The following NELL2 variants were observed in gnomAD, a reference collection of about 807,000 sequenced individuals.
NELL2 encodes the protein protein kinase C-binding protein NELL2.
In NELL2, 41 loss-of-function variants were observed where a neutral mutation model predicts 109.6. That is an observed-to-expected ratio of 0.37 (90% CI 0.29 to 0.49). NELL2 has a LOEUF of 0.49. Ranked by LOEUF, NELL2 falls within the 20% of genes least tolerant of loss-of-function variation. The pLI is 0.98. For synonymous variants in NELL2, 355 were observed against 344.7 expected (o/e 1.03, Z -0.33); for missense variants, 900 against 1,008.3 (o/e 0.89, Z 1.45).
intron 13 of NELL2, among the ~76,000 whole-genome samples, chr12:44,625,212 G>A (rs2218943): frequency 0.29 from 43,693 of 151,134 alleles, 6,544 homozygotes; most frequent in East Asian, 0.5. Flanking sequence ...CTTTATCATG[G>A]TATTGAACAC....
At chr12:44,600,466 TCAA>T (rs1195672135) in intron 15 of NELL2, among the ~76,000 whole-genome samples, 1 of 152,178 alleles carries the variant, frequency 6.6e-6, no homozygotes, top group Non-Finnish European at 1.5e-5. Context: ...AATGTTGCAT[TCAA>T]CAACGTTTCT....
intron 12 of NELL2, among the ~76,000 whole-genome samples, chr12:44,674,677 G>A (rs1472569507): frequency 2.6e-5 from 4 of 152,144 alleles, no homozygotes; most frequent in African/African-American, 9.7e-5. Context: ...TGGAAGAAGC[G>A]GGTAGGGAGG....
At chr12:44,832,653 T>G (rs190358445) in intron 2 of NELL2, among the ~76,000 whole-genome samples, 74 of 152,362 alleles carry the variant, frequency 4.9e-4, no homozygotes, top group African/African-American at 1.6e-3. Flanking sequence ...CCTCAACATT[T>G]CTTGGCATTG....
chr12:44,650,833 T>C (rs2136316143), intron 13 of NELL2, among the ~76,000 whole-genome samples: 1 of 152,292 alleles, frequency 6.6e-6, no homozygotes, highest in South Asian at 2.1e-4. Context: ...AGGCAACTGT[T>C]TGCAAGTCAG....
intron 15 of NELL2, among the ~76,000 whole-genome samples, chr12:44,538,276 T>C (rs369495220): frequency 2.2e-4 from 34 of 152,304 alleles, no homozygotes; most frequent in African/African-American, 5.8e-4. Flanking sequence ...GTCAGTGAAT[T>C]GCAGCTCATT....
rs371438177 is a variant in NELL2 at position 44,619,647 on chromosome 12, A to AAGG, written c.1445-8680_1445-8678dup. On this transcript the variant is annotated intron_variant, in intron 13 of 19. Transcript: ENST00000429094. ...TGAGAAGGCGGCGGAAGAGGAGGAG[A>AAGG]AGGAGGAGGAGGAGGAGGAGGGATG... is the stretch of plus-strand genomic sequence containing the variant. Among the ~76,000 whole-genome samples, 97 of 151,636 alleles carry AAGG rather than the reference A, an allele frequency of 6.4e-4. 1 individual carries two copies. Among genetic ancestry groups the AAGG allele is most frequent in the African/African-American group, 2.0e-3 (83 of 41,372 alleles).
At chr12:44,892,916 A>C (rs550950620) in intron 1 of NELL2, among the ~76,000 whole-genome samples, 1 of 152,154 alleles carries the variant, frequency 6.6e-6, no homozygotes, top group Non-Finnish European at 1.5e-5. Flanking sequence ...CCCAAGATCC[A>C]AACTATTAAA....
intron 19 of NELL2, among the ~76,000 whole-genome samples, chr12:44,517,240 G>C (rs980466714): frequency 6.6e-6 from 1 of 151,920 alleles, no homozygotes; most frequent in Non-Finnish European, 1.5e-5. Flanking sequence ...TTATTTATAG[G>C]TATTTTTTCC....
At chr12:44,632,925 G>C (rs1209132042) in intron 13 of NELL2, among the ~76,000 whole-genome samples, 1 of 151,818 alleles carries the variant, frequency 6.6e-6, no homozygotes, top group Admixed American at 6.6e-5. Context: ...GAGAGTATTA[G>C]AGTCTTCTTG....
chr12:44,719,628 T>G (rs779339764), intron 9 of NELL2, among the ~76,000 whole-genome samples: 1 of 152,168 alleles, frequency 6.6e-6, no homozygotes, highest in African/African-American at 2.4e-5. Flanking sequence ...GTCATGGGAC[T>G]TACAGTTTCT....
intron 12 of NELL2, among the ~76,000 whole-genome samples, chr12:44,703,022 T>C (rs1294381184): frequency 6.6e-6 from 1 of 152,196 alleles, no homozygotes; most frequent in Non-Finnish European, 1.5e-5. Flanking sequence ...ATCAATGTTC[T>C]TATTTGTAGA....
intron 3 of NELL2, 50 bp from the exon 4 acceptor site, chr12:44,780,072 C>T (rs755086249): frequency 1.8e-4 from 284 of 1,584,734 alleles, no homozygotes; most frequent in East Asian, 1.1e-3. Flanking sequence ...AGTTCAAAAA[C>T]GATTGAAGTG....
At chr12:44,873,597 G>A (rs1945226232) in intron 2 of NELL2, among the ~76,000 whole-genome samples, 1 of 152,032 alleles carries the variant, frequency 6.6e-6, no homozygotes, top group Admixed American at 6.5e-5. Context: ...AATTTTAAGA[G>A]CACTACAATA....
Position 44,575,575 on chromosome 12 carries a change from C to T in NELL2, c.1663+31594G>A, listed in dbSNP as rs368887104. On this transcript the variant is annotated intron_variant, in intron 15 of 19. Coordinates refer to ENST00000429094, the MANE Select transcript of NELL2 (RefSeq NM_001145108.2). ...TGTCCAGTTGACTCTAAAGCAACTGCATTTTGCTGGATTAATGCAGTGAAA... is the reference window on the plus strand; with the variant it reads ...TGTCCAGTTGACTCTAAAGCAACTGTATTTTGCTGGATTAATGCAGTGAAA... Among the ~76,000 whole-genome samples the T allele has an allele frequency of 5.3e-5, 8 of 152,296 alleles. No individual in the cohort carries two copies. The South Asian group carries it at 1.7e-3, about 32-fold the overall frequency.
chr12:44,876,183 G>C lies in NELL2; in HGVS notation c.-314C>G. On this transcript the variant is annotated 5_prime_UTR_variant, in exon 1 of 20. Transcript: ENST00000429094. ...CGGCTCCGTCGGGGAATTAGCTCCC[G>C]AGCCGAATAAAAGCAGCCAAAGACT... is the stretch of plus-strand genomic sequence containing the variant. The C allele has an allele frequency of 1.6e-6, 2 of 1,243,180 alleles. No homozygotes were observed. The highest frequency in any genetic ancestry group is 4.4e-5 in the South Asian group (2 of 45,530). The allele number at this position is 1,243,180 out of a possible 1,614,324, so 77.0% of individuals were successfully genotyped here.
intron 15 of NELL2, among the ~76,000 whole-genome samples, chr12:44,567,037 C>G (rs1943688681): frequency 6.6e-6 from 1 of 152,070 alleles, no homozygotes. Flanking sequence ...GTCTCGAACT[C>G]CTGACCTTGT....
chr12:44,754,841 A>G (rs1353249452), intron 9 of NELL2, among the ~76,000 whole-genome samples: 4 of 152,216 alleles, frequency 2.6e-5, no homozygotes, highest in Non-Finnish European at 5.9e-5. Flanking sequence ...TGAAAAATAT[A>G]AAATACTGTG....
rs574142495 is a variant in NELL2, at chr12:44,828,022, G to A, written c.185-11886C>T. Among the ~76,000 whole-genome samples the A allele has an allele frequency of 2.6e-5, 4 of 152,220 alleles. No homozygotes were observed. The South Asian group carries it at 8.3e-4, about 32-fold the overall frequency. On this transcript the variant is annotated intron_variant, in intron 2 of 19. Coordinates refer to ENST00000429094, the MANE Select transcript of NELL2 (RefSeq NM_001145108.2). The stretch of plus-strand genomic sequence containing the variant: ...AAGCCATTTTGACTGGGGTGAGATG[G>A]TATCTCATTGTAGTTTTGATTTGCA...
At chr12:44,570,373 C>T (rs966907553) in intron 15 of NELL2, among the ~76,000 whole-genome samples, 1 of 152,060 alleles carries the variant, frequency 6.6e-6, no homozygotes, top group Non-Finnish European at 1.5e-5. Context: ...TCTTTGTTGT[C>T]AAAAATTGAT....
Sources: gnomAD v4.1 joint callset for allele counts (sites outside exome capture counted in the v4.1 genomes callset) on GRCh38, gnomAD v4.1.1 for gene constraint, MANE v1.5 for transcripts, NCBI Gene and HGNC (gene_info 2026-07-23, HGNC 2026-07-21) for gene names.